The following RALYL variants were observed in gnomAD, a reference collection of about 807,000 sequenced individuals.
The protein encoded by RALYL is RNA-binding Raly-like protein.
Under a neutral mutation model 35.1 loss-of-function variants are expected in RALYL, and 29 were observed. The ratio of observed to expected loss-of-function variants is 0.83; its 90% CI spans 0.61 to 1.13. The LOEUF is 1.13. RALYL is among the 50% of genes most tolerant of loss of function. The pLI, the probability that RALYL is intolerant of heterozygous loss-of-function variation, is 0.00. For missense variants in RALYL, 359 were observed against 360.4 expected, an observed-to-expected ratio of 1.00 and a Z score of 0.03; for synonymous variants, 120 against 127.6, an observed-to-expected ratio of 0.94 and a Z score of 0.40.
At chr8:84,225,643 A>G (rs895137626) in intron 1 of RALYL, among the ~76,000 whole-genome samples, 3 of 151,926 alleles carry the variant, frequency 2.0e-5, no homozygotes, top group African/African-American at 7.3e-5. Context: ...CACCTTTTTG[A>G]TGTCTGAGAT....
chr8:84,871,620 T>C (rs1840204458), intron 6 of RALYL, among the ~76,000 whole-genome samples: 1 of 152,216 alleles, frequency 6.6e-6, no homozygotes, highest in Non-Finnish European at 1.5e-5. Flanking sequence ...TTGATGTCTT[T>C]GAAGTAATTG....
At chr8:84,538,497 T>C (rs1246244231) in intron 2 of RALYL, among the ~76,000 whole-genome samples, 2 of 152,188 alleles carry the variant, frequency 1.3e-5, no homozygotes, top group Non-Finnish European at 2.9e-5. Flanking sequence ...CTTTCAACAC[T>C]ACATTTGTTG....
chr8:84,351,403 A>C (rs2131073156), intron 1 of RALYL, among the ~76,000 whole-genome samples: 1 of 150,306 alleles, frequency 6.7e-6, no homozygotes, highest in South Asian at 2.1e-4. Context: ...ATTTTAAAAA[A>C]TAGCCTATTC....
chr8:84,232,541 T>A (rs1472148381), intron 1 of RALYL, among the ~76,000 whole-genome samples: 1 of 152,152 alleles, frequency 6.6e-6, no homozygotes, highest in Non-Finnish European at 1.5e-5. Flanking sequence ...GATTATAGTT[T>A]ATAACAATAT....
chr8:84,638,886 A>G (rs1396408289), intron 2 of RALYL, among the ~76,000 whole-genome samples: 3 of 42,034 alleles, frequency 7.1e-5, no homozygotes, highest in Non-Finnish European at 1.9e-4. Context: ...ATATATATAT[A>G]TATATATATA....
intron 1 of RALYL, among the ~76,000 whole-genome samples, chr8:84,267,180 A>G (rs1237843423): frequency 6.6e-6 from 1 of 152,122 alleles, no homozygotes; most frequent in Non-Finnish European, 1.5e-5. Context: ...ACCAAAATCT[A>G]TTCTTTTCCT....
intron 1 of RALYL, among the ~76,000 whole-genome samples, chr8:84,196,607 T>C (rs1815343066): frequency 1.3e-5 from 2 of 152,194 alleles, no homozygotes; most frequent in African/African-American, 4.8e-5. Flanking sequence ...ACAGCCACAT[T>C]TCAGGAGCTC....
intron 3 of RALYL, 88 bp from the exon 4 acceptor site, chr8:84,804,682 T>A: frequency 1.7e-6 from 1 of 583,378 alleles, no homozygotes. Flanking sequence ...CAAACAAGTA[T>A]AATAATTTTG....
At chr8:84,869,895 A>G (rs1022046063) in intron 6 of RALYL, among the ~76,000 whole-genome samples, 1 of 152,184 alleles carries the variant, frequency 6.6e-6, no homozygotes, top group Non-Finnish European at 1.5e-5. Context: ...ATTATATCTT[A>G]TGTCACAGCA....
intron 4 of RALYL, among the ~76,000 whole-genome samples, chr8:84,815,895 G>A (rs976330329): frequency 2.0e-5 from 3 of 151,804 alleles, no homozygotes; most frequent in African/African-American, 2.4e-5. Flanking sequence ...TTAGCTGGAC[G>A]TGGTGGTGTA....
intron 1 of RALYL, among the ~76,000 whole-genome samples, chr8:84,333,450 G>A (rs1847202390): frequency 6.6e-6 from 1 of 152,144 alleles, no homozygotes; most frequent in South Asian, 2.1e-4. Context: ...ATATAGGCAT[G>A]TAGTCATAGT....
chr8:84,615,572 T>C (rs1382883099), intron 2 of RALYL, among the ~76,000 whole-genome samples: 2 of 83,444 alleles, frequency 2.4e-5, no homozygotes, highest in Admixed American at 2.1e-4. Flanking sequence ...ACTTTCGTCT[T>C]TTTTTTTTTT....
At chr8:84,688,052 T>C (rs1407290929) in intron 2 of RALYL, among the ~76,000 whole-genome samples, 2 of 151,908 alleles carry the variant, frequency 1.3e-5, no homozygotes, top group Non-Finnish European at 2.9e-5. Context: ...ACACTCAAAG[T>C]ATTTCATTTA....
At chr8:84,446,365 G>T (rs997114930) in intron 1 of RALYL, among the ~76,000 whole-genome samples, 1 of 146,558 alleles carries the variant, frequency 6.8e-6, no homozygotes, top group Non-Finnish European at 1.5e-5. Flanking sequence ...TTGTGTGCTT[G>T]AAAGAGTATA....
At chr8:84,202,876 A>G (rs991400977) in intron 1 of RALYL, among the ~76,000 whole-genome samples, 13 of 152,178 alleles carry the variant, frequency 8.5e-5, no homozygotes, top group Non-Finnish European at 1.3e-4. Flanking sequence ...TATTTTCAGT[A>G]CGTACATGTA....
intron 1 of RALYL, among the ~76,000 whole-genome samples, chr8:84,205,652 A>T (rs1057483886): frequency 1.1e-4 from 17 of 152,218 alleles, no homozygotes; most frequent in Non-Finnish European, 2.4e-4. Context: ...AATAAAGAGC[A>T]CAAGTGGGAA....
intron 1 of RALYL, among the ~76,000 whole-genome samples, chr8:84,240,870 C>A (rs1416766550): frequency 6.6e-6 from 1 of 152,070 alleles, no homozygotes; most frequent in Non-Finnish European, 1.5e-5. Flanking sequence ...GCAATAGATA[C>A]ACATAGCTTC....
intron 8 of RALYL, among the ~76,000 whole-genome samples, chr8:84,892,565 G>C (rs1460723947): frequency 1.3e-5 from 2 of 150,138 alleles, no homozygotes; most frequent in African/African-American, 4.9e-5. Context: ...AGTTGAGATT[G>C]AGCCATTGCA....
intron 3 of RALYL, among the ~76,000 whole-genome samples, chr8:84,786,359 G>T (rs1819453528): frequency 6.6e-6 from 1 of 152,120 alleles, no homozygotes; most frequent in South Asian, 2.1e-4. Flanking sequence ...TGGGGTTGCT[G>T]GGTCAAATAG....
Sources: allele counts gnomAD v4.1 joint callset (sites outside exome capture counted in the v4.1 genomes callset), GRCh38; gene constraint gnomAD v4.1.1; transcripts MANE v1.5; gene names NCBI Gene and HGNC (gene_info 2026-07-23, HGNC 2026-07-21).